The following TRPM8 variants were observed in gnomAD, a reference collection of about 807,000 sequenced individuals.
TRPM8 encodes the protein TRPM8 cationic channel.
TRPM8 carries 110 observed loss-of-function variants against 133.7 expected under a neutral mutation model. That is an observed-to-expected ratio of 0.82 (90% CI 0.70 to 0.96). TRPM8 has a LOEUF of 0.96. TRPM8 is among the 40% of genes least tolerant of loss of function. The pLI is 0.00. For synonymous variants in TRPM8, 535 were observed against 532.3 expected (o/e 1.01, Z -0.07); for missense variants, 1,291 against 1,379.5 (o/e 0.94, Z 1.02).
chr2:233,972,504 C>T lies in TRPM8; in HGVS notation c.2355+2078C>T, dbSNP rs189531590. 4.5e-4 allele frequency among the ~76,000 whole-genome samples: 68 copies of T among 152,334 alleles called. 1 individual carries two copies. The East Asian group carries it at 0.01, about 23-fold the overall frequency. On this transcript the variant is annotated intron_variant, in intron 17 of 25. Coordinates refer to ENST00000324695, the MANE Select transcript of TRPM8 (RefSeq NM_024080.5). ...CCCTTGGGTGGTCGATGGGACTGGG[C>T]GCCATGGAGCAGGGGGTGGCGCTCG...
intron 7 of TRPM8, 37 bp from the exon 8 acceptor site, chr2:233,947,051 T>C (rs759557423): frequency 1.1e-5 from 17 of 1,600,444 alleles, no homozygotes; most frequent in Non-Finnish European, 1.2e-5. Flanking sequence ...GTATTTCTAA[T>C]GAGCTCAAAA....
At chr2:233,964,812 A>G in intron 14 of TRPM8, 55 bp downstream of exon 14, 2 of 1,531,926 alleles carry the variant, frequency 1.3e-6, no homozygotes, top group South Asian at 1.2e-5. Flanking sequence ...TGTGGCACAG[A>G]CATTGCCAGC....
Position 233,989,509 on chromosome 2 carries a change from C to T in TRPM8, c.2939+3644C>T, listed in dbSNP as rs1364114563. On this transcript the variant is annotated intron_variant, in intron 21 of 25. Transcript: ENST00000324695. The surrounding 1 kb of genome is among the most constrained non-coding windows in gnomAD (Gnocchi z 4.2). ...CTGGGGACACCAGAACAGCGAGAGA[C>T]GCCGTGTTGTTATCCTTAGGTTAAA... Among the ~76,000 whole-genome samples the T allele has an allele frequency of 6.6e-6, 1 of 152,196 alleles. No individual in the cohort carries two copies. The highest frequency in any genetic ancestry group is 1.5e-5 in the Non-Finnish European group (1 of 68,044).
chr2:233,942,921 C>G (rs1291168058), intron 6 of TRPM8, 173 bp downstream of exon 6: 2 of 668,878 alleles, frequency 3.0e-6, no homozygotes, highest in Non-Finnish European at 5.3e-6. Context: ...GATGACGTAC[C>G]TAATTAACTG....
chr2:233,997,921 TC>T (rs1692451448), intron 22 of TRPM8, among the ~76,000 whole-genome samples: 1 of 152,188 alleles, frequency 6.6e-6, no homozygotes, highest in African/African-American at 2.4e-5. Flanking sequence ...CCAGCTCTCT[TC>T]CTGGCCCTGT....
chr2:233,928,039 G>C (rs1172549035), intron 2 of TRPM8, among the ~76,000 whole-genome samples: 1 of 142,058 alleles, frequency 7.0e-6, no homozygotes, highest in Non-Finnish European at 1.5e-5. Context: ...GCGAGATCTC[G>C]GCTCACTGCA....
intron 3 of TRPM8, 149 bp from the exon 4 acceptor site, chr2:233,937,204 C>A: frequency 1.0e-6 from 1 of 1,003,154 alleles, no homozygotes; most frequent in Non-Finnish European, 1.4e-6. Context: ...CCACATCAAA[C>A]TAGTTTCTAC....
intron 20 of TRPM8, 58 bp downstream of exon 20, chr2:233,983,282 C>T: frequency 6.2e-7 from 1 of 1,600,872 alleles, no homozygotes; most frequent in Non-Finnish European, 8.6e-7. Flanking sequence ...CTCCCTGAAC[C>T]AACCCCCAGG....
intron 22 of TRPM8, among the ~76,000 whole-genome samples, chr2:234,006,180 T>TG (rs1236244518): frequency 3.3e-5 from 5 of 152,324 alleles, no homozygotes; most frequent in South Asian, 2.1e-4. Context: ...CGTGAATTTG[T>TG]GTGGAGGTTT....
At chr2:233,965,080 G>A (rs1264359382) in intron 14 of TRPM8, among the ~76,000 whole-genome samples, 4 of 150,196 alleles carry the variant, frequency 2.7e-5, no homozygotes, top group South Asian at 2.1e-4. Flanking sequence ...TCTGGATGCC[G>A]TTACAACATT....
chr2:233,954,551 G>A (rs1294758055), intron 10 of TRPM8, among the ~76,000 whole-genome samples: 1 of 152,202 alleles, frequency 6.6e-6, no homozygotes, highest in Non-Finnish European at 1.5e-5. Context: ...ATCCTTGGTT[G>A]TCTAGACTTG....
chr2:234,014,626 C>T lies in TRPM8; in HGVS notation c.*14C>T. 6.9e-7 allele frequency: 1 copy of T among 1,458,180 alleles called. No individual in the cohort carries two copies. The highest frequency in any genetic ancestry group is 9.3e-7 in the Non-Finnish European group (1 of 1,076,506). The allele number at this position is 1,458,180 out of a possible 1,614,324, so 90.3% of individuals were successfully genotyped here. ...AAAATCAAATAAAACTGTATGAACTCTAATGGAGAAAAATCTAATTATAGC... is the reference window on the plus strand; with the variant it reads ...AAAATCAAATAAAACTGTATGAACTTTAATGGAGAAAAATCTAATTATAGC... On this transcript the variant is annotated 3_prime_UTR_variant, in exon 25 of 26. Transcript: ENST00000324695.
At chr2:233,933,960 A>G (rs555682735) in intron 3 of TRPM8, 1 of 167,216 alleles carries the variant, frequency 6.0e-6, no homozygotes, top group South Asian at 2.1e-4. Flanking sequence ...AACAGAGGTG[A>G]GTTTGCTGCT....
intron 21 of TRPM8, among the ~76,000 whole-genome samples, chr2:233,994,458 A>T (rs1692355519): frequency 6.6e-6 from 1 of 152,230 alleles, no homozygotes. Context: ...CAGGCATAGC[A>T]TAGGAGCTTA....
intron 9 of TRPM8, chr2:233,953,582 G>A (rs1350384669): frequency 5.8e-6 from 1 of 173,812 alleles, no homozygotes; most frequent in African/African-American, 2.4e-5. Flanking sequence ...GTCTTCTATT[G>A]TCCCTTCTTT....
At chr2:233,970,137 T>C (rs1162341987) in intron 16 of TRPM8, 73 bp from the exon 17 acceptor site, 1 of 1,357,622 alleles carries the variant, frequency 7.4e-7, no homozygotes. Flanking sequence ...TTATCTATGT[T>C]TGGAAGGAGG....
In TRPM8 at chr2:234,017,387, A is replaced by T. The variant is rs1692982836; in HGVS notation, c.*131A>T. Reference sequence around the variant, plus strand: ...CCCTGGGTACATGGTGGATGATTTTAAATCACCCTAGTGTGCTGAGACCTT... The same window carrying T: ...CCCTGGGTACATGGTGGATGATTTTTAATCACCCTAGTGTGCTGAGACCTT... On this transcript the variant is annotated 3_prime_UTR_variant, in exon 26 of 26. Transcript: ENST00000324695. 1 of 471,052 alleles carries T rather than the reference A, an allele frequency of 2.1e-6. No individual in the cohort carries two copies. The highest frequency in any genetic ancestry group is 4.4e-6 in the Non-Finnish European group (1 of 227,070). The allele number at this position is 471,052 out of a possible 1,614,324, so 29.2% of individuals were successfully genotyped here. A position where few individuals can be genotyped will look rare whatever the true frequency, so the allele number is the denominator to read the frequency against.
At chr2:233,936,634 T>C (rs940594278) in intron 3 of TRPM8, among the ~76,000 whole-genome samples, 7 of 152,218 alleles carry the variant, frequency 4.6e-5, no homozygotes, top group African/African-American at 1.7e-4. Flanking sequence ...AGAATAGCCT[T>C]ACTGGCTGGG....
intron 11 of TRPM8, among the ~76,000 whole-genome samples, chr2:233,958,181 G>T (rs553900993): frequency 3.9e-5 from 6 of 152,142 alleles, no homozygotes; most frequent in Non-Finnish European, 5.9e-5. Context: ...GGGAGTTGCT[G>T]ATAGTTTTTT....
Sources: gnomAD v4.1 joint callset for allele counts (sites outside exome capture counted in the v4.1 genomes callset) on GRCh38, gnomAD v4.1.1 for gene constraint, Gnocchi (gnomAD v3.1) non-coding constraint, MANE v1.5 for transcripts, NCBI Gene and HGNC (gene_info 2026-07-23, HGNC 2026-07-21) for gene names.